The following RFX7 variants were observed in gnomAD, a reference collection of about 807,000 sequenced individuals.
RFX7 encodes the protein regulatory factor X7.
Under a neutral mutation model 111.8 loss-of-function variants are expected in RFX7, and 26 were observed. That is an observed-to-expected ratio of 0.23 (90% CI 0.17 to 0.32). RFX7 has a LOEUF of 0.32. Ranked by LOEUF, RFX7 falls within the 10% of genes least tolerant of loss-of-function variation. RFX7 has a pLI of 1.00. For synonymous variants in RFX7, 624 were observed against 624.4 expected (o/e 1.00, Z 0.01); for missense variants, 1,573 against 1,772.9 (o/e 0.89, Z 2.02).
intron 2 of RFX7, among the ~76,000 whole-genome samples, chr15:56,203,551 C>T (rs185343835): frequency 6.6e-6 from 1 of 152,230 alleles, no homozygotes; most frequent in Non-Finnish European, 1.5e-5. Flanking sequence ...CATTCCCAGA[C>T]ATTAAGGCAT....
Position 56,093,577 on chromosome 15 carries a change from A to G in RFX7, c.4151T>C (p.Ile1384Thr), listed in dbSNP as rs183396207. 1.7e-4 allele frequency: 273 copies of G among 1,613,704 alleles called. 1 individual carries two copies. The Admixed American group carries it at 2.3e-3, about 14-fold the overall frequency. The change falls in exon 10 of 10, where the codon ATC (isoleucine) becomes ACC (threonine). Residue 1384 changes from isoleucine to threonine, a missense_variant. Transcript: ENST00000559447. ...TNTASDFSSD[I>T]RLSSELSGSI... ...GCCTGAGAGCTCAGAAGACAACCTG[A>G]TATCGCTAGAGAAATCAGATGCAGT... is the stretch of plus-strand genomic sequence containing the variant.
chr15:56,102,925 T>C (rs1346740663), intron 6 of RFX7, among the ~76,000 whole-genome samples: 1 of 152,186 alleles, frequency 6.6e-6, no homozygotes, highest in African/African-American at 2.4e-5. Context: ...AGAGACCCTC[T>C]ATTTTACAAT....
chr15:56,135,215 G>C (rs2042281905), intron 5 of RFX7, among the ~76,000 whole-genome samples: 1 of 151,872 alleles, frequency 6.6e-6, no homozygotes, highest in Non-Finnish European at 1.5e-5. Context: ...GGTTGAACTA[G>C]TTTACAGTCC....
At position 56,094,826 on chromosome 15, in the gene RFX7, T is replaced by C. The variant is rs891327609; in HGVS notation, c.2902A>G (p.Met968Val). 4 of 1,574,498 alleles carry C rather than the reference T, an allele frequency of 2.5e-6. No homozygotes were observed. The highest frequency in any genetic ancestry group is 1.2e-5 in the South Asian group (1 of 85,122). ...PTPTPTPTSE[M>V]IAGSQSLSRE... ...GACAGACTCTGAGATCCAGCAATCATTTCAGATGTCGGGGTTGGGGTTGGG... is the reference window on the plus strand; with the variant it reads ...GACAGACTCTGAGATCCAGCAATCACTTCAGATGTCGGGGTTGGGGTTGGG... The change falls in exon 10 of 10, where the codon ATG (methionine) becomes GTG (valine). Residue 968 changes from methionine to valine, a missense_variant. Transcript: ENST00000559447.
intron 3 of RFX7, among the ~76,000 whole-genome samples, chr15:56,176,457 C>T (rs953509715): frequency 3.3e-5 from 5 of 151,994 alleles, no homozygotes; most frequent in South Asian, 2.1e-4. Context: ...AGAAAACTTA[C>T]GTACAGGCAG....
Position 56,096,212 on chromosome 15 carries a change from T to C in RFX7, c.1516A>G (p.Arg506Gly), listed in dbSNP as rs2041675154. The C allele has an allele frequency of 6.2e-7, 1 of 1,613,858 alleles. No homozygotes were observed. Among genetic ancestry groups the C allele is most frequent in the Admixed American group, 1.7e-5 (1 of 59,998 alleles). ...CCATTCTTGATCTGTGGAACACTCCTTGATTCTTCTGTTGTTCCTGTAGCA... is the reference window on the plus strand; with the variant it reads ...CCATTCTTGATCTGTGGAACACTCCCTGATTCTTCTGTTGTTCCTGTAGCA... ...SSATGTTEESRSVPQIKNGSV... is the reference protein window; with the variant it reads ...SSATGTTEESGSVPQIKNGSV... The change falls in exon 10 of 10, where the codon AGG becomes GGG. Residue 506 changes from arginine to glycine, a missense_variant. Around this residue, in one of 7 missense-constraint regions of RFX7, gnomAD observed 625 missense variants for 632.2 expected, o/e 0.99. Coordinates refer to ENST00000559447, the MANE Select transcript of RFX7 (RefSeq NM_022841.7).
At chr15:56,127,353 T>C (rs531301362) in intron 5 of RFX7, among the ~76,000 whole-genome samples, 2 of 151,310 alleles carry the variant, frequency 1.3e-5, no homozygotes, top group Non-Finnish European at 2.9e-5. Flanking sequence ...TAGGGACATA[T>C]GCCTACATTA....
chr15:56,125,645 G>GTGTA (rs1186226106), intron 5 of RFX7, among the ~76,000 whole-genome samples: 2 of 141,652 alleles, frequency 1.4e-5, no homozygotes, highest in Non-Finnish European at 3.1e-5. Flanking sequence ...GTGTGTGTGT[G>GTGTA]TATGTGGCTA....
chr15:56,178,689 A>G (rs544384496), intron 3 of RFX7, among the ~76,000 whole-genome samples: 33 of 152,310 alleles, frequency 2.2e-4, no homozygotes, highest in African/African-American at 7.5e-4. Context: ...AAGAAGACCT[A>G]TGAAACTACT....
intron 2 of RFX7, chr15:56,192,419 TG>T: frequency 4.5e-6 from 1 of 223,064 alleles, no homozygotes. Flanking sequence ...TTTTCAAGGA[TG>T]GGCTGGGCTG....
chr15:56,156,386 A>G (rs2042652934), intron 3 of RFX7, among the ~76,000 whole-genome samples: 1 of 152,124 alleles, frequency 6.6e-6, no homozygotes, highest in Non-Finnish European at 1.5e-5. Flanking sequence ...ACCTTTTGGC[A>G]TGTTTGCTTC....
chr15:56,154,619 C>T (rs553749635), intron 3 of RFX7, among the ~76,000 whole-genome samples: 149 of 152,246 alleles, frequency 9.8e-4, no homozygotes, highest in Non-Finnish European at 1.9e-3. Flanking sequence ...ACACCTTTTA[C>T]AAAAATCAAC....
chr15:56,189,685 A>G (rs554217152), intron 2 of RFX7: 25 of 152,356 alleles, frequency 1.6e-4, no homozygotes, highest in African/African-American at 5.5e-4. Flanking sequence ...CAAAATCGCA[A>G]CAATACACCA....
chr15:56,127,239 C>A (rs1483907453), intron 5 of RFX7, among the ~76,000 whole-genome samples: 1 of 151,170 alleles, frequency 6.6e-6, no homozygotes, highest in Admixed American at 6.6e-5. Flanking sequence ...ATCAATGGAT[C>A]GAAAAAACAC....
chr15:56,154,030 C>A (rs2042615360), intron 3 of RFX7, among the ~76,000 whole-genome samples: 1 of 152,152 alleles, frequency 6.6e-6, no homozygotes, highest in Non-Finnish European at 1.5e-5. Flanking sequence ...AACTCCCATT[C>A]ATAATCACTA....
chr15:56,230,496 A>C (rs1316207795), intron 2 of RFX7, among the ~76,000 whole-genome samples: 3 of 152,242 alleles, frequency 2.0e-5, no homozygotes, highest in Admixed American at 6.5e-5. Flanking sequence ...GAAAATTACC[A>C]CATTATGTTA....
At chr15:56,202,991 C>A (rs1218111546) in intron 2 of RFX7, among the ~76,000 whole-genome samples, 1 of 152,058 alleles carries the variant, frequency 6.6e-6, no homozygotes, top group African/African-American at 2.4e-5. Context: ...TTTACTAGGA[C>A]AGCAAAGTGA....
intron 2 of RFX7, among the ~76,000 whole-genome samples, chr15:56,203,346 A>T (rs1482244285): frequency 6.6e-6 from 1 of 152,230 alleles, no homozygotes; most frequent in African/African-American, 2.4e-5. Context: ...ATGTTCAGGT[A>T]AATTTAGGAA....
At chr15:56,237,519 C>T (rs2043637179) in intron 2 of RFX7, among the ~76,000 whole-genome samples, 1 of 152,186 alleles carries the variant, frequency 6.6e-6, no homozygotes, top group Middle Eastern at 3.2e-3. Flanking sequence ...AGTAATGCAA[C>T]ATAATTCTTA....
Sources: allele counts gnomAD v4.1 joint callset (sites outside exome capture counted in the v4.1 genomes callset), GRCh38; gene constraint gnomAD v4.1.1; regional missense constraint gnomAD v4.1.1; transcripts MANE v1.5; gene names NCBI Gene and HGNC (gene_info 2026-07-23, HGNC 2026-07-21).